The following ADAMTS17 variants were observed in gnomAD, a reference collection of about 807,000 sequenced individuals.
ADAMTS17 encodes ADAM metallopeptidase with thrombospondin type 1 motif 17, also known as A disintegrin and metalloproteinase with thrombospondin motifs 17.
In ADAMTS17, 113 loss-of-function variants were observed where a neutral mutation model predicts 141.5. That is an observed-to-expected ratio of 0.80 (90% CI 0.69 to 0.93). The LOEUF (loss-of-function observed/expected upper bound fraction) is 0.93. Among genes scored for constraint, ADAMTS17 ranks in the 40% least tolerant of loss-of-function variants. ADAMTS17 has a pLI of 0.00. For synonymous variants in ADAMTS17, 768 were observed against 630.6 expected (o/e 1.22, Z -3.27); for missense variants, 1,659 against 1,517.9 (o/e 1.09, Z -1.54).
At chr15:100,134,813 G>A (rs1036237309) in intron 10 of ADAMTS17, among the ~76,000 whole-genome samples, 4 of 152,192 alleles carry the variant, frequency 2.6e-5, no homozygotes, top group Non-Finnish European at 5.9e-5. Context: ...GAAGTGGATG[G>A]CTCAAGTGGA....
Position 100,146,873 on chromosome 15 carries a change from T to A in ADAMTS17, c.1473+5739A>T, listed in dbSNP as rs112216444. Among the ~76,000 whole-genome samples the A allele has an allele frequency of 4.9e-4, 74 of 152,272 alleles. 1 individual carries two copies. The highest frequency in any genetic ancestry group is 1.8e-3 in the African/African-American group (73 of 41,550). On this transcript the variant is annotated intron_variant, in intron 10 of 21. Transcript: ENST00000268070. ...TCTCCCATAGCGCTCCCAGGCTTAT[T>A]AGGAAGAGGAAATTCCCGCCTAATA...
At chr15:100,095,850 T>C (rs1173788252) in intron 15 of ADAMTS17, among the ~76,000 whole-genome samples, 1 of 152,180 alleles carries the variant, frequency 6.6e-6, no homozygotes, top group African/African-American at 2.4e-5. Flanking sequence ...TGTCTGCCCC[T>C]GGGGACCAGG....
intron 12 of ADAMTS17, chr15:100,126,150 G>A (rs2037721020): frequency 6.6e-6 from 1 of 152,224 alleles, no homozygotes. Flanking sequence ...GCAGGCTGGA[G>A]GCTGCAGCCT....
intron 16 of ADAMTS17, 126 bp from the exon 17 acceptor site, chr15:100,051,857 C>T: frequency 8.1e-7 from 1 of 1,239,160 alleles, no homozygotes; most frequent in Admixed American, 1.7e-5. Context: ...TTTTCTGGGG[C>T]TGAAAACAGG....
At chr15:100,192,815 A>G (rs1567328516) in intron 8 of ADAMTS17, among the ~76,000 whole-genome samples, 2 of 152,212 alleles carry the variant, frequency 1.3e-5, no homozygotes, top group Non-Finnish European at 2.9e-5. Context: ...CATTTGAACC[A>G]TGTCAACTCC....
chr15:100,334,767 T>C (rs969006874), intron 2 of ADAMTS17, among the ~76,000 whole-genome samples: 2 of 152,208 alleles, frequency 1.3e-5, no homozygotes, highest in Admixed American at 1.3e-4. Context: ...CTTGGTCTTC[T>C]TCCCAAAGCA....
Position 100,133,326 on chromosome 15 carries a change from A to ATAT in ADAMTS17, c.1474-12_1474-11insATA. 6.4e-7 allele frequency: 1 copy of ATAT among 1,570,892 alleles called. No homozygotes were observed. Among genetic ancestry groups the ATAT allele is most frequent in the Non-Finnish European group, 8.7e-7 (1 of 1,155,164 alleles). On this transcript the variant is annotated splice_polypyrimidine_tract_variant and intron_variant, in intron 10 of 21. Transcript: ENST00000268070. ...AGCACACATTAGATGCTGCAGGACA[A>ATAT]GGGAAGGAACCATAATTGTGGAGAA... is the stretch of plus-strand genomic sequence containing the variant.
chr15:100,100,763 A>G (rs2036047615), intron 14 of ADAMTS17, among the ~76,000 whole-genome samples: 1 of 151,612 alleles, frequency 6.6e-6, no homozygotes, highest in African/African-American at 2.4e-5. Context: ...CCACACAAAA[A>G]GAGAGATAAG....
chr15:100,234,212 C>T lies in ADAMTS17; in HGVS notation c.1075+19924G>A, dbSNP rs182835048. On this transcript the variant is annotated intron_variant, in intron 7 of 21. Transcript: ENST00000268070. ...TTGCAGATGGATTAGAAGTGTGTAT[C>T]GGGCACCTTCAGAAACAAAGACAGT... Among the ~76,000 whole-genome samples the T allele has an allele frequency of 2.6e-5, 4 of 152,210 alleles. 1 individual carries two copies. The highest frequency in any genetic ancestry group is 4.1e-4 in the South Asian group (2 of 4,824).
intron 15 of ADAMTS17, chr15:100,074,054 A>G (rs1051626926): frequency 6.6e-6 from 1 of 152,626 alleles, no homozygotes; most frequent in Non-Finnish European, 1.5e-5. Context: ...TACCACAGTA[A>G]TAGTTTTACT....
intron 18 of ADAMTS17, among the ~76,000 whole-genome samples, chr15:100,000,576 C>T (rs1467956615): frequency 3.9e-5 from 6 of 152,198 alleles, no homozygotes; most frequent in South Asian, 2.1e-4. Flanking sequence ...CGCAATGGCA[C>T]GATCTCGGCT....
In ADAMTS17 at chr15:100,114,339, C is replaced by T. The variant is rs117024512; in HGVS notation, c.1888+2508G>A. ...CCAACCACAGGAAACGTTCCTATCA[C>T]GGCTCAGCTAGAACTGTGCCTCTTA... On this transcript the variant is annotated intron_variant, in intron 13 of 21. Transcript: ENST00000268070. Among the ~76,000 whole-genome samples the T allele has an allele frequency of 3.1e-3, 473 of 152,256 alleles. 1 individual carries two copies. Among genetic ancestry groups the T allele is most frequent in the Non-Finnish European group, 3.0e-3 (202 of 68,008 alleles).
At chr15:100,304,032 C>A (rs1453603574) in intron 3 of ADAMTS17, among the ~76,000 whole-genome samples, 1 of 152,194 alleles carries the variant, frequency 6.6e-6, no homozygotes, top group Non-Finnish European at 1.5e-5. Context: ...CCTTAATCAG[C>A]TCTTTATGTC....
intron 8 of ADAMTS17, among the ~76,000 whole-genome samples, chr15:100,173,161 C>T (rs983925714): frequency 5.3e-5 from 8 of 152,182 alleles, no homozygotes; most frequent in Non-Finnish European, 1.2e-4. Context: ...ACCCAGTACT[C>T]CATTTTTCTA....
intron 3 of ADAMTS17, among the ~76,000 whole-genome samples, chr15:100,294,954 C>T (rs566436107): frequency 3.9e-5 from 6 of 152,244 alleles, no homozygotes; most frequent in South Asian, 4.1e-4. Context: ...GACCAATGGC[C>T]GCAACAACTG....
chr15:100,063,053 T>C (rs1364448123), intron 15 of ADAMTS17, among the ~76,000 whole-genome samples: 2 of 152,204 alleles, frequency 1.3e-5, no homozygotes, highest in Non-Finnish European at 2.9e-5. Context: ...GAAGGTCTTC[T>C]CTGGCTAGGA....
At chr15:100,220,484 C>T (rs1596306518) in intron 7 of ADAMTS17, among the ~76,000 whole-genome samples, 1 of 152,328 alleles carries the variant, frequency 6.6e-6, no homozygotes, top group Non-Finnish European at 1.5e-5. Flanking sequence ...AATATTTTCT[C>T]CCATCTGCTC....
At chr15:100,308,350 A>G (rs1179018542) in intron 3 of ADAMTS17, among the ~76,000 whole-genome samples, 1 of 152,210 alleles carries the variant, frequency 6.6e-6, no homozygotes, top group African/African-American at 2.4e-5. Flanking sequence ...GAAAAAAGCA[A>G]AAGACGACAG....
chr15:100,339,167 A>C, intron 2 of ADAMTS17: 2 of 985,506 alleles, frequency 2.0e-6, no homozygotes, highest in Non-Finnish European at 2.4e-6. Context: ...TATCTAAAGC[A>C]CAGCACCCTC....
Sources: allele counts gnomAD v4.1 joint callset (sites outside exome capture counted in the v4.1 genomes callset), GRCh38; gene constraint gnomAD v4.1.1; transcripts MANE v1.5; gene names NCBI Gene and HGNC (gene_info 2026-07-23, HGNC 2026-07-21).